BAZ2B: variants seen among roughly 807,000 people sequenced by gnomAD.
The protein encoded by BAZ2B is bromodomain adjacent to zinc finger domain protein 2B.
In BAZ2B, 91 loss-of-function variants were observed where a neutral mutation model predicts 246.0. The observed-to-expected ratio is 0.37, with a 90% CI of 0.31 to 0.44. BAZ2B has a LOEUF of 0.44. Ranked by LOEUF, BAZ2B falls within the 20% of genes least tolerant of loss-of-function variation. The pLI is 1.00. For synonymous variants in BAZ2B, 855 were observed against 860.0 expected, an observed-to-expected ratio of 0.99 and a Z score of 0.10; for missense variants, 2,332 against 2,533.7, an observed-to-expected ratio of 0.92 and a Z score of 1.71.
chr2:159,591,232 C>T (rs2151702097), intron 1 of BAZ2B, among the ~76,000 whole-genome samples: 1 of 152,302 alleles, frequency 6.6e-6, no homozygotes, highest in East Asian at 1.9e-4. Context: ...TTCCTAAAAG[C>T]TTTCTAGGCA....
At chr2:159,379,130 G>GAT (rs1354265399) in intron 25 of BAZ2B, among the ~76,000 whole-genome samples, 12 of 152,052 alleles carry the variant, frequency 7.9e-5, no homozygotes, top group South Asian at 4.2e-4. Context: ...AACAAAATGT[G>GAT]ATATATATAT....
intron 1 of BAZ2B, among the ~76,000 whole-genome samples, chr2:159,604,954 G>GCGCA (rs1559886927): frequency 2.9e-5 from 4 of 138,630 alleles, no homozygotes; most frequent in African/African-American, 8.2e-5. Context: ...GTGTGTGTGC[G>GCGCA]CGTGTGTGCG....
At chr2:159,472,076 C>T (rs981683069) in intron 3 of BAZ2B, among the ~76,000 whole-genome samples, 6 of 152,108 alleles carry the variant, frequency 3.9e-5, no homozygotes, top group Non-Finnish European at 7.4e-5. Flanking sequence ...TTTGTTTCAA[C>T]TTCTTTTTAG....
chr2:159,379,292 CAT>C (rs1471523039), intron 25 of BAZ2B, among the ~76,000 whole-genome samples: 1 of 152,082 alleles, frequency 6.6e-6, no homozygotes, highest in African/African-American at 2.4e-5. Flanking sequence ...CAGTCAAACT[CAT>C]AGAACCAGAG....
In BAZ2B at chr2:159,325,104, ATATATATATATTT is replaced by A. The variant is rs2063442199; in HGVS notation, c.6210-163_6210-151del. ...ATATATATATATATTATATATATAT[ATATATATATATTT>A]TATATATATATATATATATATATAT... is the stretch of plus-strand genomic sequence containing the variant. On this transcript the variant is annotated intron_variant, in intron 35 of 36. Coordinates refer to ENST00000392783, the MANE Select transcript of BAZ2B (RefSeq NM_013450.4). 1.4e-3 allele frequency: 5 copies of A among 3,572 alleles called. 1 individual carries two copies. Among genetic ancestry groups the A allele is most frequent in the Admixed American group, 0.014 (2 of 148 alleles). 0.2% of individuals were successfully genotyped at this position (3,572 alleles called of 1,614,324 possible). A position where few individuals can be genotyped will look rare whatever the true frequency, so the allele number is the denominator to read the frequency against.
intron 1 of BAZ2B, among the ~76,000 whole-genome samples, chr2:159,574,282 G>T (rs1406659674): frequency 4.2e-5 from 3 of 71,774 alleles, no homozygotes; most frequent in Non-Finnish European, 9.2e-5. Context: ...AGTCATCAGA[G>T]AAATGCAAAT....
intron 1 of BAZ2B, among the ~76,000 whole-genome samples, chr2:159,594,170 G>A (rs1392131803): frequency 6.6e-6 from 1 of 152,204 alleles, no homozygotes; most frequent in Non-Finnish European, 1.5e-5. Context: ...TTGGGAGGCC[G>A]AGGCGGGCGG....
chr2:159,326,688 C>T lies in BAZ2B; in HGVS notation c.5944-770G>A, dbSNP rs12988556. ...TCACTTAAAAAATAAGGATGACAAGCCACATACTTGCTAAAGTCATTCTAG... is the reference window on the plus strand; with the variant it reads ...TCACTTAAAAAATAAGGATGACAAGTCACATACTTGCTAAAGTCATTCTAG... On this transcript the variant is annotated intron_variant, in intron 34 of 36. Transcript: ENST00000392783. 4.4e-3 allele frequency among the ~76,000 whole-genome samples: 667 copies of T among 152,230 alleles called. 6 individuals are homozygous for T. Among genetic ancestry groups the T allele is most frequent in the Non-Finnish European group, 7.5e-3 (513 of 68,012 alleles).
At chr2:159,685,710 A>C in the BAZ2B span, among the ~76,000 whole-genome samples, 1 of 152,218 alleles carries the variant, frequency 6.6e-6, no homozygotes, top group Non-Finnish European at 1.5e-5. Context: ...TGGCATTATT[A>C]CACTATACAT....
the BAZ2B span, among the ~76,000 whole-genome samples, chr2:159,659,518 T>C: frequency 6.6e-6 from 1 of 152,330 alleles, no homozygotes; most frequent in East Asian, 1.9e-4. Context: ...CTGGGGGTTT[T>C]CCCCACCACT....
intron 1 of BAZ2B, among the ~76,000 whole-genome samples, chr2:159,587,463 C>T (rs982335644): frequency 1.1e-4 from 17 of 152,174 alleles, no homozygotes; most frequent in Non-Finnish European, 1.9e-4. Context: ...TTAAGCCTGC[C>T]TGTCCTTTCC....
chr2:159,410,621 C>A (rs954153996), intron 14 of BAZ2B, among the ~76,000 whole-genome samples: 1 of 152,104 alleles, frequency 6.6e-6, no homozygotes, highest in Non-Finnish European at 1.5e-5. Flanking sequence ...TTATAAATTA[C>A]CCAGTCTCGG....
At chr2:159,608,765 G>T (rs1193645646) in intron 1 of BAZ2B, among the ~76,000 whole-genome samples, 3 of 152,014 alleles carry the variant, frequency 2.0e-5, no homozygotes, top group African/African-American at 7.3e-5. Context: ...AATAACCTTT[G>T]GATTTGTTGT....
intron 31 of BAZ2B, among the ~76,000 whole-genome samples, chr2:159,344,792 G>A (rs1321791523): frequency 1.3e-5 from 2 of 151,854 alleles, no homozygotes; most frequent in Non-Finnish European, 2.9e-5. Context: ...AACACTGCAT[G>A]TTCTCATTCA....
At chr2:159,428,510 G>A in intron 11 of BAZ2B, 91 bp from the exon 12 acceptor site, 6 of 865,028 alleles carry the variant, frequency 6.9e-6, no homozygotes, top group Non-Finnish European at 8.5e-6. Flanking sequence ...ATGTTCTCTA[G>A]AAAACATAAA....
At chr2:159,372,024 A>G (rs974487576) in intron 27 of BAZ2B, among the ~76,000 whole-genome samples, 2 of 152,128 alleles carry the variant, frequency 1.3e-5, no homozygotes, top group Non-Finnish European at 2.9e-5. Context: ...TCTGCATAAC[A>G]TTTTCATTTA....
chr2:159,345,537 G>A (rs1033554543), intron 31 of BAZ2B, among the ~76,000 whole-genome samples: 1 of 152,176 alleles, frequency 6.6e-6, no homozygotes, highest in Non-Finnish European at 1.5e-5. Flanking sequence ...CATTTAAGCA[G>A]TCAGCAATGT....
At chr2:159,576,532 A>G (rs1427002444) in intron 1 of BAZ2B, among the ~76,000 whole-genome samples, 1 of 30,942 alleles carries the variant, frequency 3.2e-5, no homozygotes, top group Non-Finnish European at 5.9e-5. Context: ...TCAAAGGTTT[A>G]AAAAAAAAAA....
intron 2 of BAZ2B, among the ~76,000 whole-genome samples, chr2:159,483,966 C>T (rs985507261): frequency 6.6e-6 from 1 of 151,890 alleles, no homozygotes; most frequent in African/African-American, 2.4e-5. Flanking sequence ...TGATTTGATA[C>T]ATTATAGATG....
Sources: allele counts gnomAD v4.1 joint callset (sites outside exome capture counted in the v4.1 genomes callset), GRCh38; gene constraint gnomAD v4.1.1; transcripts MANE v1.5; gene names NCBI Gene and HGNC (gene_info 2026-07-23, HGNC 2026-07-21).